AMELX: variants seen among roughly 807,000 people sequenced by gnomAD.
The protein encoded by AMELX is amelogenin X-linked.
A neutral mutation model predicts 15.8 loss-of-function variants in AMELX; 9 were observed. That is an observed-to-expected ratio of 0.57 (90% CI 0.34 to 0.99). The LOEUF is 0.99. Among genes scored for constraint, AMELX ranks in the 50% least tolerant of loss-of-function variants. AMELX has a pLI of 0.02. For synonymous variants in AMELX, 61 were observed against 58.8 expected (o/e 1.04, Z -0.17); for missense variants, 107 against 156.2 (o/e 0.68, Z 1.68).
intron 3 of AMELX, among the ~76,000 whole-genome samples, chrX:11,297,143 G>A (rs1454098781): frequency 8.9e-6 from 1 of 112,084 alleles, no homozygotes; most frequent in Admixed American, 9.4e-5. Context: ...TTCTAACCCA[G>A]CTAGTAAAAT....
intron 2 of AMELX, among the ~76,000 whole-genome samples, chrX:11,296,577 T>A (rs1186288885): frequency 9.0e-6 from 1 of 111,144 alleles, no homozygotes. Flanking sequence ...AAATAAAAGG[T>A]CTCCTCTTCT....
intron 5 of AMELX, among the ~76,000 whole-genome samples, chrX:11,299,482 A>G (rs2048141612): frequency 8.9e-6 from 1 of 112,075 alleles, no homozygotes; most frequent in South Asian, 3.7e-4. Flanking sequence ...GTAGTTTTCA[A>G]TCTAACTTGG....
At chrX:11,294,752 A>T (rs1258978998) in intron 1 of AMELX, 25 bp from the exon 2 acceptor site, 1 of 1,199,297 alleles carries the variant, frequency 8.3e-7, no homozygotes, top group Non-Finnish European at 1.1e-6. Context: ...GAGATAAGAA[A>T]AGTGGATGTT....
the AMELX span, among the ~76,000 whole-genome samples, chrX:11,307,080 G>C: frequency 5.4e-5 from 6 of 110,475 alleles, no homozygotes; most frequent in South Asian, 3.9e-4. Flanking sequence ...ACAAAGAAAC[G>C]CAAGTCCAGT....
chrX:11,303,150 C>T (rs913696534), downstream of AMELX, among the ~76,000 whole-genome samples: 1 of 112,713 alleles, frequency 8.9e-6, no homozygotes. Flanking sequence ...TTTAGTAGTA[C>T]TCCACATTGC....
chrX:11,304,092 T>C (rs1389597604), downstream of AMELX, among the ~76,000 whole-genome samples: 4 of 109,973 alleles, frequency 3.6e-5, no homozygotes, highest in Non-Finnish European at 7.6e-5. Flanking sequence ...TACATCACGT[T>C]TGTCTTTTTT....
intron 2 of AMELX, among the ~76,000 whole-genome samples, chrX:11,296,031 A>C (rs1195844247): frequency 1.8e-5 from 2 of 111,945 alleles, no homozygotes; most frequent in Non-Finnish European, 3.8e-5. Context: ...TTTATTTTTA[A>C]CTTGAAAATT....
At position 11,298,264 on chromosome X, in the gene AMELX, G is replaced by A. The variant is rs431825177; in HGVS notation, c.131G>A (p.Ser44Asn). The A allele has an allele frequency of 2.1e-5, 25 of 1,209,054 alleles. No homozygotes were observed. Among genetic ancestry groups the A allele is most frequent in the Non-Finnish European group, 2.8e-5 (25 of 894,442 alleles). The change falls in exon 4 of 6, where the codon AGC becomes AAC. Residue 44 changes from serine to asparagine, a missense_variant. Coordinates refer to ENST00000380714, the MANE Select transcript of AMELX (RefSeq NM_001142.2). The stretch of plus-strand genomic sequence containing the variant: ...CTTACCCCTTTGAAGTGGTACCAGA[G>A]CATAAGGCCACCGGTATGTAGACAT... ...EVLTPLKWYQ[S>N]IRPPYPSYGY...
downstream of AMELX, among the ~76,000 whole-genome samples, chrX:11,302,276 T>C (rs948766661): frequency 6.2e-5 from 7 of 112,355 alleles, no homozygotes; most frequent in Non-Finnish European, 1.1e-4. Context: ...CATTGCTCTA[T>C]GTACTACTTC....
chrX:11,309,492 T>C, the AMELX span, among the ~76,000 whole-genome samples: 1 of 110,149 alleles, frequency 9.1e-6, no homozygotes, highest in Non-Finnish European at 1.9e-5. Flanking sequence ...CCTGGGGAGC[T>C]CTTAGTTCTG....
Position 11,300,739 on chromosome X carries a change from A to T in AMELX, c.*127A>T. ...GTAACTAAAAAAGTACCATTAGCAG[A>T]CAATAAAATGCATTAAAAATCATTC... On this transcript the variant is annotated 3_prime_UTR_variant, in exon 6 of 6. Transcript: ENST00000380714. The T allele has an allele frequency of 1.6e-6, 1 of 618,177 alleles. No homozygotes were observed. The highest frequency in any genetic ancestry group is 3.4e-5 in the East Asian group (1 of 29,704). The allele number at this position is 618,177 out of a possible 1,213,427, so 50.9% of individuals were successfully genotyped here. A position where few individuals can be genotyped will look rare whatever the true frequency, so the allele number is the denominator to read the frequency against.
downstream of AMELX, among the ~76,000 whole-genome samples, chrX:11,301,441 C>T (rs1404000639): frequency 9.0e-6 from 1 of 111,583 alleles, no homozygotes; most frequent in African/African-American, 3.3e-5. Flanking sequence ...ATATTTGAAT[C>T]CTTTTTTCTT....
downstream of AMELX, among the ~76,000 whole-genome samples, chrX:11,302,778 T>C (rs1182360062): frequency 2.7e-5 from 3 of 111,093 alleles, no homozygotes; most frequent in Middle Eastern, 4.6e-3. Flanking sequence ...ATGGTATTCA[T>C]TATCACCACC....
At chrX:11,294,732 T>C (rs2048052456) in intron 1 of AMELX, 45 bp from the exon 2 acceptor site, 2 of 1,141,138 alleles carry the variant, frequency 1.8e-6, no homozygotes, top group Non-Finnish European at 1.2e-6. Flanking sequence ...ATTACATCCA[T>C]GTTTCAGAAG....
At chrX:11,308,768 T>C in the AMELX span, among the ~76,000 whole-genome samples, 1 of 112,121 alleles carries the variant, frequency 8.9e-6, no homozygotes, top group Non-Finnish European at 1.9e-5. Context: ...TTAAGACCCA[T>C]GCAACAGTAA....
the AMELX span, among the ~76,000 whole-genome samples, chrX:11,309,419 GCA>G: frequency 1.8e-5 from 2 of 110,188 alleles, no homozygotes; most frequent in East Asian, 5.7e-4. Context: ...TGTCTGGAAT[GCA>G]CAACTAGAGG....
At chrX:11,300,364 G>T (rs1178705782) in intron 5 of AMELX, among the ~76,000 whole-genome samples, 1 of 111,434 alleles carries the variant, frequency 9.0e-6, no homozygotes, top group Non-Finnish European at 1.9e-5. Context: ...CCCCCAAAAA[G>T]GTAGCAATTG....
the AMELX span, among the ~76,000 whole-genome samples, chrX:11,307,266 G>A: frequency 3.6e-5 from 4 of 110,608 alleles, no homozygotes; most frequent in East Asian, 2.8e-4. Flanking sequence ...GAAATTCACC[G>A]AGAATGACAA....
chrX:11,305,556 T>C (rs2048229597), downstream of AMELX, among the ~76,000 whole-genome samples: 1 of 111,745 alleles, frequency 8.9e-6, no homozygotes. Context: ...AGGAGCTAAT[T>C]GTAAATCAGA....
Sources: gnomAD v4.1 joint callset for allele counts (sites outside exome capture counted in the v4.1 genomes callset) on GRCh38, gnomAD v4.1.1 for gene constraint, MANE v1.5 for transcripts, NCBI Gene and HGNC (gene_info 2026-07-23, HGNC 2026-07-21) for gene names.